MRC1: variants seen among roughly 807,000 people sequenced by gnomAD.
MRC1 encodes macrophage mannose receptor 1.
A neutral mutation model predicts 102.9 loss-of-function variants in MRC1; 62 were observed. The observed-to-expected ratio is 0.60, with a 90% confidence interval of 0.49 to 0.74. The LOEUF is 0.74. MRC1 is among the 30% of genes least tolerant of loss of function. The pLI, the probability that MRC1 is intolerant of heterozygous loss-of-function variation, is 0.00. For missense variants in MRC1, 1,237 were observed against 862.8 expected (o/e 1.43, Z -5.43); for synonymous variants, 457 against 298.4 (o/e 1.53, Z -5.48).
At chr10:17,842,510 A>G (rs1356390301) in intron 5 of MRC1, among the ~76,000 whole-genome samples, 1 of 152,170 alleles carries the variant, frequency 6.6e-6, no homozygotes, top group Non-Finnish European at 1.5e-5. Flanking sequence ...GAAGGTAAAA[A>G]TTTCTGGAAT....
intron 24 of MRC1, among the ~76,000 whole-genome samples, chr10:17,898,597 A>G (rs1833786819): frequency 6.6e-6 from 1 of 152,230 alleles, no homozygotes; most frequent in Non-Finnish European, 1.5e-5. Flanking sequence ...TAACTATGGC[A>G]TGAGAATTAA....
chr10:17,823,199 G>A lies in MRC1; in HGVS notation c.187G>A (p.Glu63Lys). Residue 63 changes from glutamate to lysine, a missense_variant, in exon 2 of 30, where the codon GAA (glutamate) becomes AAA (lysine). Transcript: ENST00000569591. ...ATCACAGAAATTCCGATGGGTGTCC[G>A]AATCTCAGATTATGAGTGTTGCATT... Reference protein sequence around the residue: ...AESQKFRWVSESQIMSVAFKL... With the variant: ...AESQKFRWVSKSQIMSVAFKL... 2 of 780,828 alleles carry A rather than the reference G, an allele frequency of 2.6e-6. No homozygotes were observed. Among genetic ancestry groups the A allele is most frequent in the East Asian group, 4.8e-5 (2 of 41,256 alleles). The allele number at this position is 780,828 out of a possible 1,614,324, so 48.4% of individuals were successfully genotyped here.
chr10:17,844,330 T>C (rs935131745), intron 5 of MRC1, among the ~76,000 whole-genome samples: 7 of 152,122 alleles, frequency 4.6e-5, no homozygotes, highest in Admixed American at 3.9e-4. Flanking sequence ...GCAATTCTCC[T>C]GCCTCAGCCT....
At chr10:17,908,338 G>A (rs1417686321) in intron 28 of MRC1, among the ~76,000 whole-genome samples, 1 of 152,128 alleles carries the variant, frequency 6.6e-6, no homozygotes, top group Non-Finnish European at 1.5e-5. Flanking sequence ...GCAATGGTGC[G>A]ATCTCGGCTC....
At chr10:17,850,255 A>T (rs1838893628) in intron 7 of MRC1, among the ~76,000 whole-genome samples, 1 of 40,550 alleles carries the variant, frequency 2.5e-5, no homozygotes, top group Non-Finnish European at 4.8e-5. Flanking sequence ...AAAATATAGG[A>T]GTTTTTTTTT....
chr10:17,883,956 G>C (rs1055922573), intron 21 of MRC1, among the ~76,000 whole-genome samples: 3 of 152,130 alleles, frequency 2.0e-5, no homozygotes, highest in Non-Finnish European at 4.4e-5. Context: ...CCAGTGATGT[G>C]AGCACTTTAT....
intron 21 of MRC1, among the ~76,000 whole-genome samples, chr10:17,882,660 C>T (rs1054520299): frequency 1.4e-3 from 214 of 152,232 alleles, no homozygotes; most frequent in South Asian, 8.3e-3. Context: ...CCACCATGTG[C>T]TCTCTGAGAA....
chr10:17,824,774 G>A (rs943448434), intron 2 of MRC1, among the ~76,000 whole-genome samples: 9 of 152,082 alleles, frequency 5.9e-5, no homozygotes, highest in South Asian at 4.1e-4. Flanking sequence ...GAAGATTGGC[G>A]CTAAGAAATC....
chr10:17,896,399 G>A (rs1833756076), intron 23 of MRC1, among the ~76,000 whole-genome samples: 1 of 152,108 alleles, frequency 6.6e-6, no homozygotes, highest in Non-Finnish European at 1.5e-5. Context: ...AGAATCTTAG[G>A]TCAGCAGTAA....
intron 11 of MRC1, among the ~76,000 whole-genome samples, chr10:17,864,232 G>C (rs1230293803): frequency 6.6e-6 from 1 of 151,950 alleles, no homozygotes; most frequent in Non-Finnish European, 1.5e-5. Flanking sequence ...CGAACTCCTC[G>C]CCTCAAGTGA....
chr10:17,863,719 C>T, intron 11 of MRC1, 37 bp downstream of exon 11: 1 of 775,560 alleles, frequency 1.3e-6, no homozygotes, highest in South Asian at 1.4e-5. Context: ...TGCTTTCACC[C>T]TACGAATCTG....
chr10:17,892,125 TA>T (rs1833687800), intron 22 of MRC1, among the ~76,000 whole-genome samples: 1 of 152,196 alleles, frequency 6.6e-6, no homozygotes, highest in African/African-American at 2.4e-5. Context: ...CTGGTCTTAT[TA>T]AGAACAGAAT....
Position 17,832,992 on chromosome 10 carries a change from A to G in MRC1, c.638-683A>G, listed in dbSNP as rs1021926772. On this transcript the variant is annotated intron_variant, in intron 3 of 29. Transcript: ENST00000569591. ...ACCCGAACTGTGAACATTGTACCCA[A>G]TGGATAATTTTTGAATCCTCACCCT... Among the ~76,000 whole-genome samples the G allele has an allele frequency of 3.3e-5, 5 of 152,112 alleles. No homozygotes were observed. The East Asian group carries it at 5.8e-4, about 18-fold the overall frequency.
At chr10:17,894,102 A>T in intron 22 of MRC1, 108 bp from the exon 23 acceptor site, 5 of 779,284 alleles carry the variant, frequency 6.4e-6, no homozygotes, top group African/African-American at 1.7e-5. Flanking sequence ...GACAATCTTA[A>T]AATTTGGAAA....
At chr10:17,846,358 T>G (rs1838826042) in intron 6 of MRC1, among the ~76,000 whole-genome samples, 1 of 152,170 alleles carries the variant, frequency 6.6e-6, no homozygotes, top group Non-Finnish European at 1.5e-5. Flanking sequence ...TATTATTACC[T>G]CTTTTTGGAG....
chr10:17,873,873 C>T lies in MRC1; in HGVS notation c.2386+48C>T, dbSNP rs35423979. ...ATCTCTGTACTGATAACCCTTTCTCCGCCTCTTTCCTTTCTCAATGAAAAA... is the reference window on the plus strand; with the variant it reads ...ATCTCTGTACTGATAACCCTTTCTCTGCCTCTTTCCTTTCTCAATGAAAAA... On this transcript the variant is annotated intron_variant, in intron 16 of 29. Coordinates refer to ENST00000569591, the MANE Select transcript of MRC1 (RefSeq NM_002438.4). 7.7e-4 allele frequency: 667 copies of T among 866,438 alleles called. 4 individuals are homozygous for T. The highest frequency in any genetic ancestry group is 6.2e-3 in the African/African-American group (377 of 61,130). 53.7% of individuals were successfully genotyped at this position (866,438 alleles called of 1,614,324 possible). A position where few individuals can be genotyped will look rare whatever the true frequency, so the allele number is the denominator to read the frequency against.
chr10:17,903,913 G>A (rs1157273254), intron 26 of MRC1, among the ~76,000 whole-genome samples: 1 of 151,596 alleles, frequency 6.6e-6, no homozygotes, highest in Non-Finnish European at 1.5e-5. Flanking sequence ...CTGAGATCAC[G>A]TCACTGCACT....
Position 17,902,087 on chromosome 10 carries a change from A to C in MRC1, c.3764A>C (p.Asn1255Thr). 1.3e-6 allele frequency: 1 copy of C among 780,774 alleles called. No individual in the cohort carries two copies. 48.4% of individuals were successfully genotyped at this position (780,774 alleles called of 1,614,324 possible). The change falls in exon 26 of 30, where the codon AAC becomes ACC. Residue 1255 changes from asparagine (N) to threonine (T), a missense_variant. By Grantham distance (65) the Asn-to-Thr change is moderately conservative (BLOSUM62 0). Transcript: ENST00000569591. The part of the protein sequence containing the change: ...CYYIESSYTR[N>T]WGQASLECLR... ...TATATTGAGTCCTCATATACAAGAA[A>C]CTGGGGCCAAGCTTCTCTGGAATGT...
At chr10:17,847,492 A>T (rs2130638013) in intron 6 of MRC1, among the ~76,000 whole-genome samples, 1 of 152,342 alleles carries the variant, frequency 6.6e-6, no homozygotes, top group East Asian at 1.9e-4. Flanking sequence ...TTATCTATAA[A>T]CTCAAATAAA....
Sources: allele counts gnomAD v4.1 joint callset (sites outside exome capture counted in the v4.1 genomes callset), GRCh38; gene constraint gnomAD v4.1.1; transcripts MANE v1.5; gene names NCBI Gene and HGNC (gene_info 2026-07-23, HGNC 2026-07-21).